The following CPSF2 variants were observed in gnomAD, a reference collection of about 807,000 sequenced individuals.
CPSF2 encodes cleavage and polyadenylation specific factor 2.
In CPSF2, 51 loss-of-function variants were observed where a neutral mutation model predicts 84.2. The ratio of observed to expected loss-of-function variants is 0.61; its 90% CI spans 0.48 to 0.77. The LOEUF (loss-of-function observed/expected upper bound fraction) is 0.77. Ranked by LOEUF, CPSF2 falls within the 30% of genes least tolerant of loss-of-function variation. The pLI is 0.00. For synonymous variants in CPSF2, 286 were observed against 311.9 expected (o/e 0.92, Z 0.87); for missense variants, 641 against 929.4 (o/e 0.69, Z 4.03).
chr14:92,135,620 A>G (rs1053334787), intron 6 of CPSF2, 124 bp downstream of exon 6: 6 of 857,724 alleles, frequency 7.0e-6, no homozygotes, highest in African/African-American at 1.7e-5. Context: ...AAAACCGTCA[A>G]ATAGGGAGTG....
At chr14:92,154,816 A>G (rs1056325327) in intron 10 of CPSF2, among the ~76,000 whole-genome samples, 2 of 152,220 alleles carry the variant, frequency 1.3e-5, no homozygotes, top group Non-Finnish European at 2.9e-5. Context: ...TCCAGAGTAT[A>G]TGATATGGCC....
At position 92,142,155 on chromosome 14, in the gene CPSF2, G is replaced by A. The variant is rs761750493; in HGVS notation, c.662-9G>A. ...CGTTCTATGGGGATTTTACATTCTTGTTTTCTAGCAAATGTCCTGGAAACA... is the reference window on the plus strand; with the variant it reads ...CGTTCTATGGGGATTTTACATTCTTATTTTCTAGCAAATGTCCTGGAAACA... On this transcript the variant is annotated splice_polypyrimidine_tract_variant and intron_variant, in intron 7 of 15. Coordinates refer to ENST00000298875, the MANE Select transcript of CPSF2 (RefSeq NM_017437.3). 4.4e-6 allele frequency: 7 copies of A among 1,583,604 alleles called. No individual in the cohort carries two copies. Among genetic ancestry groups the A allele is most frequent in the Non-Finnish European group, 5.2e-6 (6 of 1,161,064 alleles).
intron 8 of CPSF2, 37 bp from the exon 9 acceptor site, chr14:92,142,967 G>A: frequency 1.3e-6 from 2 of 1,486,836 alleles, no homozygotes; most frequent in Non-Finnish European, 1.8e-6. Flanking sequence ...TTATAATATA[G>A]TATTTCTAAT....
chr14:92,132,973 C>G (rs534811942), intron 3 of CPSF2, among the ~76,000 whole-genome samples: 72 of 152,100 alleles, frequency 4.7e-4, no homozygotes, highest in Non-Finnish European at 8.7e-4. Flanking sequence ...CACCTGTAAT[C>G]CCAGCTACTC....
chr14:92,135,196 G>A (rs1251880261), intron 5 of CPSF2, among the ~76,000 whole-genome samples, 171 bp from the exon 6 acceptor site: 1 of 152,218 alleles, frequency 6.6e-6, no homozygotes, highest in Non-Finnish European at 1.5e-5. Context: ...AGGGAGTGGA[G>A]TAGGTGGGGG....
intron 8 of CPSF2, 43 bp downstream of exon 8, chr14:92,142,394 A>T (rs1487691358): frequency 1.3e-6 from 2 of 1,490,368 alleles, no homozygotes; most frequent in Non-Finnish European, 1.8e-6. Flanking sequence ...TGCTACAGTG[A>T]TTGGGTCTGT....
chr14:92,143,093 T>G lies in CPSF2; in HGVS notation c.939T>G (p.Gly313=). 1 of 1,614,114 alleles carries G rather than the reference T, an allele frequency of 6.2e-7. No homozygotes were observed. Among genetic ancestry groups the G allele is most frequent in the Non-Finnish European group, 8.5e-7 (1 of 1,179,966 alleles). Residue 313 remains glycine (G), a synonymous_variant, in exon 9 of 16, where the codon GGT becomes GGG. Coordinates refer to ENST00000298875, the MANE Select transcript of CPSF2 (RefSeq NM_017437.3). ...TTCGCCATCTCTCTTTATGTCATGG[T>G]CTTTCTGACTTGGCCCGTGTACCTA... is the stretch of plus-strand genomic sequence containing the variant. ...FQFRHLSLCH[G]LSDLARVPSP...
intron 9 of CPSF2, among the ~76,000 whole-genome samples, chr14:92,153,510 C>T (rs1467046796): frequency 6.6e-6 from 1 of 151,960 alleles, no homozygotes; most frequent in Non-Finnish European, 1.5e-5. Context: ...GCTTTTGGGC[C>T]TCACCTACTC....
chr14:92,122,467 G>A (rs78087158), intron 1 of CPSF2: 1 of 157,084 alleles, frequency 6.4e-6, no homozygotes, highest in African/African-American at 2.4e-5. Flanking sequence ...TGGCTTCGTG[G>A]CTACGGCGTT....
chr14:92,150,549 T>C (rs1186247750), intron 9 of CPSF2, among the ~76,000 whole-genome samples: 2 of 152,100 alleles, frequency 1.3e-5, no homozygotes, highest in Non-Finnish European at 2.9e-5. Context: ...TGCCTCAGCC[T>C]TCCTACCAGC....
Position 92,130,972 on chromosome 14 carries a change from T to G in CPSF2, c.-13T>G. On this transcript the variant is annotated 5_prime_UTR_variant, in exon 3 of 16. Coordinates refer to ENST00000298875, the MANE Select transcript of CPSF2 (RefSeq NM_017437.3). The stretch of plus-strand genomic sequence containing the variant: ...AAAGACTCTTCTAGCTTGCTGTTTC[T>G]GGACCAAAAAAAATGACGTCTATTA... 1 of 1,608,378 alleles carries G rather than the reference T, an allele frequency of 6.2e-7. No individual in the cohort carries two copies. The highest frequency in any genetic ancestry group is 8.5e-7 in the Non-Finnish European group (1 of 1,178,548).
intron 9 of CPSF2, among the ~76,000 whole-genome samples, chr14:92,150,217 C>T (rs1024231978): frequency 2.7e-5 from 4 of 149,548 alleles, no homozygotes; most frequent in East Asian, 2.0e-4. Context: ...CGGGTTCAAG[C>T]GATTCTCCTG....
Position 92,159,146 on chromosome 14 carries a change from T to C in CPSF2, c.1985T>C (p.Met662Thr), listed in dbSNP as rs150232902. ...AAGGATGATGGAGAAGACTCAGAGA[T>C]GCAAGTGGAAGCTCCCTCAGATTCT... ...ELKDDGEDSE[M>T]QVEAPSDSSV... Residue 662 changes from methionine (M) to threonine (T), a missense_variant, in exon 14 of 16, where the codon ATG becomes ACG. Around this residue, in one of 2 missense-constraint regions of CPSF2, gnomAD observed 430 missense variants for 553.6 expected, o/e 0.78. Transcript: ENST00000298875. The C allele has an allele frequency of 3.3e-5, 53 of 1,614,078 alleles. No homozygotes were observed. The African/African-American group carries it at 5.7e-4, about 17-fold the overall frequency.
At position 92,131,001 on chromosome 14, in the gene CPSF2, A is replaced by C; in HGVS notation, c.17A>C (p.Lys6Thr). The C allele has an allele frequency of 6.2e-7, 1 of 1,610,486 alleles. No homozygotes were observed. Among genetic ancestry groups the C allele is most frequent in the Non-Finnish European group, 8.5e-7 (1 of 1,179,230 alleles). The change falls in exon 3 of 16, where the codon AAA becomes ACA. Residue 6 changes from lysine to threonine, a missense_variant. Coordinates refer to ENST00000298875, the MANE Select transcript of CPSF2 (RefSeq NM_017437.3). MTSII[K>T]LTTLSGVQEE... ...CCAAAAAAAATGACGTCTATTATCA[A>C]ATTAACTACCCTTTCTGGGGTCCAA...
chr14:92,170,883 CTG>C lies in CPSF2; in HGVS notation c.*9141_*9142del, dbSNP rs1256876826. On this transcript the variant is annotated 3_prime_UTR_variant, in exon 16 of 16. Transcript: ENST00000298875. ...TTACGATGTTTTCAAGATTTCTCCA[CTG>C]TTAGTATTTTCTCCACTTGTATTTG... 1.3e-4 allele frequency: 20 copies of C among 152,144 alleles called. No individual in the cohort carries two copies. The highest frequency in any genetic ancestry group is 4.8e-4 in the African/African-American group (20 of 41,434). 9.4% of individuals were successfully genotyped at this position (152,144 alleles called of 1,614,324 possible).
At position 92,166,951 on chromosome 14, in the gene CPSF2, G is replaced by A. The variant is rs1338947258; in HGVS notation, c.*5207G>A. ...TTAGTTCTCCTTCAGGATTGTTTTGGCTATTCTGGGTCTCTTGCATTTTCA... is the reference window on the plus strand; with the variant it reads ...TTAGTTCTCCTTCAGGATTGTTTTGACTATTCTGGGTCTCTTGCATTTTCA... On this transcript the variant is annotated 3_prime_UTR_variant, in exon 16 of 16. Transcript: ENST00000298875. 6.6e-6 allele frequency: 1 copy of A among 151,020 alleles called. No homozygotes were observed. The highest frequency in any genetic ancestry group is 1.5e-5 in the Non-Finnish European group (1 of 67,834). The allele number at this position is 151,020 out of a possible 1,614,324, so 9.4% of individuals were successfully genotyped here. A position where few individuals can be genotyped will look rare whatever the true frequency, so the allele number is the denominator to read the frequency against.
chr14:92,154,517 T>C, intron 10 of CPSF2, 59 bp downstream of exon 10: 1 of 1,152,470 alleles, frequency 8.7e-7, no homozygotes, highest in Non-Finnish European at 1.2e-6. Flanking sequence ...GAATGTGTCC[T>C]TGACTTAAAT....
intron 6 of CPSF2, 144 bp downstream of exon 6, chr14:92,135,640 T>G: frequency 1.3e-6 from 1 of 753,572 alleles, no homozygotes; most frequent in Non-Finnish European, 2.1e-6. Context: ...GTTTTCAAAA[T>G]TAATTATTTG....
At chr14:92,147,895 A>T (rs2069163490) in intron 9 of CPSF2, among the ~76,000 whole-genome samples, 1 of 151,964 alleles carries the variant, frequency 6.6e-6, no homozygotes, top group South Asian at 2.1e-4. Flanking sequence ...AGCTAATTTA[A>T]AAAAAAATTT....
Sources: allele counts gnomAD v4.1 joint callset (sites outside exome capture counted in the v4.1 genomes callset), GRCh38; gene constraint gnomAD v4.1.1; regional missense constraint gnomAD v4.1.1; transcripts MANE v1.5; gene names NCBI Gene and HGNC (gene_info 2026-07-23, HGNC 2026-07-21).